The following COL4A5 variants were observed in gnomAD, a reference collection of about 807,000 sequenced individuals.
The protein encoded by COL4A5 is collagen alpha-5(IV) chain.
A neutral mutation model predicts 130.2 loss-of-function variants in COL4A5; 26 were observed. That is an observed-to-expected ratio of 0.20 (90% CI 0.15 to 0.28). The LOEUF is 0.28. Ranked by LOEUF, COL4A5 falls within the 10% of genes least tolerant of loss-of-function variation. The pLI, the probability that COL4A5 is intolerant of heterozygous loss-of-function variation, is 1.00. For missense variants in COL4A5, 1,131 were observed against 1,344.3 expected (o/e 0.84, Z 2.48); for synonymous variants, 496 against 439.6 (o/e 1.13, Z -1.60).
At chrX:108,567,670 A>G (rs1318828032) in intron 4 of COL4A5, among the ~76,000 whole-genome samples, 1 of 111,924 alleles carries the variant, frequency 8.9e-6, no homozygotes, top group Non-Finnish European at 1.9e-5. Flanking sequence ...CCTCACAATC[A>G]TGGCAGAAGA....
At position 108,601,408 on chromosome X, in the gene COL4A5, C is replaced by T; in HGVS notation, c.1964C>T (p.Pro655Leu). Residue 655 changes from proline to leucine, a missense_variant, in exon 26 of 53, where the codon CCA becomes CTA. By Grantham distance (98) the Pro-to-Leu change is moderately conservative. Transcript: ENST00000328300. The part of the protein sequence containing the change: ...QPGIPGPKGD[P>L]GQTITQPGKP... ...TTGCTTTCAGGTCCTAAAGGGGATC[C>T]AGGTCAGACTATAACCCAGCCGGGG... The T allele has an allele frequency of 8.3e-7, 1 of 1,206,032 alleles. No individual in the cohort carries two copies. The highest frequency in any genetic ancestry group is 1.1e-6 in the Non-Finnish European group (1 of 891,755).
intron 33 of COL4A5, among the ~76,000 whole-genome samples, chrX:108,623,339 C>T (rs538545146): frequency 9.0e-6 from 1 of 111,087 alleles, no homozygotes; most frequent in African/African-American, 3.3e-5. Flanking sequence ...AAGTTCAGCC[C>T]GAGGGGAAGT....
intron 1 of COL4A5, chrX:108,462,310 G>A (rs2147492664): frequency 9.0e-6 from 1 of 111,697 alleles, no homozygotes; most frequent in South Asian, 3.7e-4. Context: ...ACAATAAAAT[G>A]ATTTTAAAAT....
chrX:108,582,781 A>G, intron 16 of COL4A5, 103 bp from the exon 17 acceptor site: 3 of 616,816 alleles, frequency 4.9e-6, no homozygotes, highest in Non-Finnish European at 8.1e-6. Flanking sequence ...CTGACTGACC[A>G]TTTTTGCCAG....
intron 41 of COL4A5, chrX:108,669,921 G>A (rs1048991964): frequency 4.1e-6 from 1 of 241,307 alleles, no homozygotes; most frequent in Non-Finnish European, 7.3e-6. Flanking sequence ...AAACCCCATT[G>A]CTCTTAGAAT....
At chrX:108,617,416 A>G (rs2066949594) in intron 30 of COL4A5, among the ~76,000 whole-genome samples, 1 of 111,786 alleles carries the variant, frequency 8.9e-6, no homozygotes, top group Non-Finnish European at 1.9e-5. Flanking sequence ...GAATGTTTAC[A>G]TTATGCTTTT....
chrX:108,551,246 C>T (rs1416159277), intron 2 of COL4A5, among the ~76,000 whole-genome samples: 1 of 111,202 alleles, frequency 9.0e-6, no homozygotes, highest in Non-Finnish European at 1.9e-5. Context: ...AACTATGCAT[C>T]CAACAAAGAT....
intron 2 of COL4A5, among the ~76,000 whole-genome samples, chrX:108,547,203 A>G (rs1177653188): frequency 9.0e-6 from 1 of 111,431 alleles, no homozygotes. Flanking sequence ...TAGAATTTTC[A>G]GTTTTTCTGC....
chrX:108,535,290 G>A (rs1274129049), intron 1 of COL4A5, among the ~76,000 whole-genome samples: 1 of 110,834 alleles, frequency 9.0e-6, no homozygotes, highest in Non-Finnish European at 1.9e-5. Context: ...ATTCCAATGT[G>A]TGAAATATTT....
Position 108,582,950 on chromosome X carries a change from A to C in COL4A5, c.990+13A>C. The C allele has an allele frequency of 8.5e-7, 1 of 1,174,015 alleles. No homozygotes were observed. The highest frequency in any genetic ancestry group is 1.8e-5 in the South Asian group (1 of 56,138). ...GGATGGTGAAAAGGTAAGAATTTTA[A>C]TACTTTGAAGTGACTGGTTTAGTCT... is the stretch of plus-strand genomic sequence containing the variant. On this transcript the variant is annotated intron_variant, in intron 17 of 52. Coordinates refer to ENST00000328300, the MANE Select transcript of COL4A5 (RefSeq NM_033380.3).
At chrX:108,695,577 T>C (rs1358552320) in intron 52 of COL4A5, 138 bp downstream of exon 52, 1 of 678,647 alleles carries the variant, frequency 1.5e-6, no homozygotes, top group Non-Finnish European at 2.3e-6. Flanking sequence ...TTGCTTGTTC[T>C]TCTCATATAC....
At chrX:108,518,411 A>G (rs1004652805) in intron 1 of COL4A5, among the ~76,000 whole-genome samples, 3 of 111,177 alleles carry the variant, frequency 2.7e-5, no homozygotes, top group African/African-American at 9.8e-5. Context: ...TAAAGAAGCA[A>G]TTGGTAATTT....
chrX:108,453,732 A>G (rs2064553961), intron 1 of COL4A5, among the ~76,000 whole-genome samples: 2 of 111,926 alleles, frequency 1.8e-5, no homozygotes, highest in Admixed American at 9.5e-5. Context: ...ATTTAGTTGC[A>G]GAGGCAGAGA....
At chrX:108,643,158 A>T (rs2067505993) in intron 36 of COL4A5, among the ~76,000 whole-genome samples, 1 of 112,282 alleles carries the variant, frequency 8.9e-6, no homozygotes, top group African/African-American at 3.2e-5. Flanking sequence ...TAGAAGAAAG[A>T]AATTCAGAGC....
chrX:108,614,315 A>G (rs1246085079), intron 29 of COL4A5, among the ~76,000 whole-genome samples: 4 of 111,713 alleles, frequency 3.6e-5, no homozygotes. Context: ...GTTTATGAAA[A>G]TGTTCTATGT....
At chrX:108,657,447 T>C (rs2067865420) in intron 37 of COL4A5, among the ~76,000 whole-genome samples, 1 of 111,742 alleles carries the variant, frequency 8.9e-6, no homozygotes, top group African/African-American at 3.2e-5. Context: ...TAGAAATTTG[T>C]TTCAGTTTTT....
At chrX:108,514,021 A>T (rs780656721) in intron 1 of COL4A5, among the ~76,000 whole-genome samples, 4 of 111,637 alleles carry the variant, frequency 3.6e-5, no homozygotes, top group African/African-American at 1.3e-4. Flanking sequence ...TTTTTTCCCT[A>T]TTGGATTGCT....
intron 1 of COL4A5, among the ~76,000 whole-genome samples, chrX:108,525,281 T>C (rs1402936681): frequency 1.8e-5 from 2 of 112,102 alleles, no homozygotes; most frequent in African/African-American, 6.5e-5. Flanking sequence ...TTTTAGAATA[T>C]ATTTTATCTG....
intron 1 of COL4A5, among the ~76,000 whole-genome samples, chrX:108,487,559 AT>A (rs1053269210): frequency 2.7e-5 from 3 of 111,238 alleles, no homozygotes; most frequent in Non-Finnish European, 5.7e-5. Flanking sequence ...GATGTTTATC[AT>A]TTTTTCATAT....
Sources: gnomAD v4.1 joint callset for allele counts (sites outside exome capture counted in the v4.1 genomes callset) on GRCh38, gnomAD v4.1.1 for gene constraint, MANE v1.5 for transcripts, NCBI Gene and HGNC (gene_info 2026-07-23, HGNC 2026-07-21) for gene names.